The following PCMTD1 variants were observed in gnomAD, a reference collection of about 807,000 sequenced individuals.
The protein encoded by PCMTD1 is protein-L-isoaspartate O-methyltransferase domain-containing protein 1.
Under a neutral mutation model 37.6 loss-of-function variants are expected in PCMTD1, and 12 were observed. That is an observed-to-expected ratio of 0.32 (90% CI 0.20 to 0.52). The LOEUF is 0.52. PCMTD1 is among the 20% of genes least tolerant of loss of function. The pLI is 0.97. For missense variants in PCMTD1, 235 were observed against 421.3 expected (o/e 0.56, Z 3.87); for synonymous variants, 117 against 135.8 (o/e 0.86, Z 0.96).
chr8:51,827,224 T>A, intron 5 of PCMTD1: 1 of 1,134,148 alleles, frequency 8.8e-7, no homozygotes, highest in African/African-American at 1.6e-5. Flanking sequence ...GAAATTCACA[T>A]AATTCCTGAC....
chr8:51,848,607 A>T (rs1429836015), intron 2 of PCMTD1, among the ~76,000 whole-genome samples: 1 of 152,190 alleles, frequency 6.6e-6, no homozygotes, highest in Non-Finnish European at 1.5e-5. Context: ...ATCTAAAAGC[A>T]AAGTGTCAAC....
intron 5 of PCMTD1, among the ~76,000 whole-genome samples, chr8:51,829,723 T>C (rs1347895348): frequency 6.6e-6 from 1 of 152,076 alleles, no homozygotes; most frequent in South Asian, 2.1e-4. Flanking sequence ...TGAGCCGAGA[T>C]CGTGCCACTG....
At chr8:51,897,631 T>TGGG (rs2039025657) in intron 1 of PCMTD1, among the ~76,000 whole-genome samples, 1 of 152,252 alleles carries the variant, frequency 6.6e-6, no homozygotes, top group African/African-American at 2.4e-5. Context: ...ATCTGCTTAA[T>TGGG]ACGAAAGTAA....
chr8:51,829,234 A>T (rs1235123401), intron 5 of PCMTD1, among the ~76,000 whole-genome samples: 2 of 152,140 alleles, frequency 1.3e-5, no homozygotes, highest in Non-Finnish European at 2.9e-5. Flanking sequence ...ATTAGAGAAA[A>T]ATGCTTACAA....
At chr8:51,846,061 C>G (rs983399290) in intron 2 of PCMTD1, among the ~76,000 whole-genome samples, 2 of 152,084 alleles carry the variant, frequency 1.3e-5, no homozygotes, top group Non-Finnish European at 2.9e-5. Flanking sequence ...ACAAAACTGC[C>G]AAAAGAATAG....
chr8:51,868,370 CTTAG>C (rs2038590252), intron 1 of PCMTD1, among the ~76,000 whole-genome samples: 1 of 152,068 alleles, frequency 6.6e-6, no homozygotes, highest in Non-Finnish European at 1.5e-5. Flanking sequence ...AAAGCAGCAT[CTTAG>C]TTAGCAATGT....
chr8:51,849,270 G>A (rs537809154), intron 2 of PCMTD1: 117 of 152,002 alleles, frequency 7.7e-4, no homozygotes, highest in African/African-American at 2.4e-3. Context: ...AAACATAAAT[G>A]TTCAAATAAA....
chr8:51,831,595 T>G (rs1360517849), intron 4 of PCMTD1, 28 bp from the exon 5 acceptor site: 1 of 1,597,070 alleles, frequency 6.3e-7, no homozygotes, highest in Admixed American at 1.7e-5. Flanking sequence ...AGAAAGAAAG[T>G]GAACAACTTA....
At chr8:51,880,390 G>T (rs908887598) in intron 1 of PCMTD1, among the ~76,000 whole-genome samples, 2 of 152,054 alleles carry the variant, frequency 1.3e-5, no homozygotes, top group Admixed American at 1.3e-4. Flanking sequence ...ATTGAAAAAG[G>T]TATAGGAAAA....
chr8:51,843,027 T>C (rs1322984661), intron 3 of PCMTD1, among the ~76,000 whole-genome samples: 1 of 152,176 alleles, frequency 6.6e-6, no homozygotes, highest in Admixed American at 6.5e-5. Context: ...AAAACCACTT[T>C]GCATAGCAAG....
chr8:51,859,059 C>T (rs1188722501), intron 2 of PCMTD1, among the ~76,000 whole-genome samples: 4 of 152,154 alleles, frequency 2.6e-5, no homozygotes, highest in African/African-American at 4.8e-5. Flanking sequence ...ATGCATACCT[C>T]CCCCATCCCA....
chr8:51,859,770 T>C (rs1173175344), intron 2 of PCMTD1, among the ~76,000 whole-genome samples: 1 of 152,140 alleles, frequency 6.6e-6, no homozygotes, highest in Non-Finnish European at 1.5e-5. Context: ...TACTAGAGGA[T>C]ATGTCATTCT....
chr8:51,890,415 T>C (rs530090383), intron 1 of PCMTD1, among the ~76,000 whole-genome samples: 7 of 152,246 alleles, frequency 4.6e-5, no homozygotes, highest in Admixed American at 2.0e-4. Flanking sequence ...GACCAGAAAA[T>C]TTAAAATCCG....
chr8:51,829,766 T>C (rs1459540837), intron 5 of PCMTD1, among the ~76,000 whole-genome samples: 2 of 152,048 alleles, frequency 1.3e-5, no homozygotes, highest in East Asian at 1.9e-4. Flanking sequence ...TGAGACTCCA[T>C]CGTAAAAACA....
At chr8:51,844,619 G>C (rs2038192412) in intron 3 of PCMTD1, among the ~76,000 whole-genome samples, 1 of 152,106 alleles carries the variant, frequency 6.6e-6, no homozygotes, top group Non-Finnish European at 1.5e-5. Context: ...ACAAGAGGAA[G>C]GGGAGGAAGG....
chr8:51,854,078 GAT>G (rs2038347567), intron 2 of PCMTD1, among the ~76,000 whole-genome samples: 1 of 152,130 alleles, frequency 6.6e-6, no homozygotes, highest in African/African-American at 2.4e-5. Context: ...TAATCACAAA[GAT>G]AAAACTCAAA....
intron 3 of PCMTD1, among the ~76,000 whole-genome samples, chr8:51,837,009 C>T (rs994724196): frequency 6.6e-6 from 1 of 152,174 alleles, no homozygotes; most frequent in African/African-American, 2.4e-5. Flanking sequence ...CAAACTCTTA[C>T]CTCTAATGAA....
chr8:51,854,879 A>C (rs1407879171), intron 2 of PCMTD1, among the ~76,000 whole-genome samples: 62 of 136,840 alleles, frequency 4.5e-4, no homozygotes, highest in African/African-American at 1.7e-3. Context: ...GACTTGTCTC[A>C]AAAAAAAAAA....
intron 1 of PCMTD1, among the ~76,000 whole-genome samples, chr8:51,888,546 A>T (rs1386537237): frequency 6.6e-6 from 1 of 152,224 alleles, no homozygotes; most frequent in Non-Finnish European, 1.5e-5. Flanking sequence ...GTTAACAATG[A>T]GAAAGAGACC....
Sources: gnomAD v4.1 joint callset for allele counts (sites outside exome capture counted in the v4.1 genomes callset) on GRCh38, gnomAD v4.1.1 for gene constraint, MANE v1.5 for transcripts, NCBI Gene and HGNC (gene_info 2026-07-23, HGNC 2026-07-21) for gene names.